Variants in NEO1 observed in about 807,000 individuals in gnomAD.
The protein encoded by NEO1 is neogenin.
In NEO1, 63 loss-of-function variants were observed where a neutral mutation model predicts 159.7. The ratio of observed to expected loss-of-function variants is 0.39; its 90% CI spans 0.32 to 0.49. The LOEUF is 0.49. Ranked by LOEUF, NEO1 falls within the 20% of genes least tolerant of loss-of-function variation. NEO1 has a pLI of 0.85. For missense variants in NEO1, 1,615 were observed against 1,831.0 expected (o/e 0.88, Z 2.15); for synonymous variants, 633 against 662.0 (o/e 0.96, Z 0.67).
intron 7 of NEO1, among the ~76,000 whole-genome samples, chr15:73,207,424 CT>C (rs2037301548): frequency 6.6e-6 from 1 of 152,168 alleles, no homozygotes; most frequent in South Asian, 2.1e-4. Context: ...CTGAAACTTC[CT>C]CCCTCAAGTT....
chr15:73,076,757 A>G (rs7495458), intron 1 of NEO1, among the ~76,000 whole-genome samples: 84,612 of 151,974 alleles, frequency 0.56, 23,977 homozygotes, highest in Middle Eastern at 0.62. Flanking sequence ...TCTTTCTCAC[A>G]TTTATTTTGC....
At chr15:73,072,964 T>A (rs1428607474) in intron 1 of NEO1, among the ~76,000 whole-genome samples, 1 of 152,170 alleles carries the variant, frequency 6.6e-6, no homozygotes, top group Non-Finnish European at 1.5e-5. Context: ...TGATGTCTTT[T>A]ACGGAGAAAG....
intron 25 of NEO1, among the ~76,000 whole-genome samples, chr15:73,292,585 T>A (rs1320820039): frequency 1.3e-5 from 2 of 152,248 alleles, no homozygotes; most frequent in Admixed American, 1.3e-4. Context: ...AATCTCTGTC[T>A]TCATAGAAAG....
intron 7 of NEO1, among the ~76,000 whole-genome samples, chr15:73,188,815 A>G (rs1321377191): frequency 6.6e-6 from 1 of 152,222 alleles, no homozygotes; most frequent in Non-Finnish European, 1.5e-5. Flanking sequence ...TACAAAATTT[A>G]GGCTGGGTGC....
At chr15:73,129,656 A>G (rs1019918394) in intron 4 of NEO1, among the ~76,000 whole-genome samples, 3 of 152,176 alleles carry the variant, frequency 2.0e-5, no homozygotes, top group Admixed American at 2.0e-4. Flanking sequence ...GCTAGTGTTC[A>G]AGGTGATTGA....
chr15:73,301,488 A>G lies in NEO1; in HGVS notation c.4302+31A>G, dbSNP rs200881451. 2.4e-4 allele frequency: 388 copies of G among 1,613,800 alleles called. 1 individual carries two copies. Among genetic ancestry groups the G allele is most frequent in the African/African-American group, 1.3e-3 (98 of 75,022 alleles). ...TTCGTGGGGCCATCAGTCCAGCCAG[A>G]TTGCCTGGGAACATGCCCCAGGGCC... On this transcript the variant is annotated intron_variant, in intron 28 of 28. Transcript: ENST00000261908.
At chr15:73,197,808 G>C (rs2036623216) in intron 7 of NEO1, among the ~76,000 whole-genome samples, 1 of 150,840 alleles carries the variant, frequency 6.6e-6, no homozygotes, top group Non-Finnish European at 1.5e-5. Flanking sequence ...AGCCTCCCAA[G>C]TAGCTAGGAT....
At chr15:73,218,954 C>T (rs2038067495) in intron 7 of NEO1, among the ~76,000 whole-genome samples, 1 of 151,864 alleles carries the variant, frequency 6.6e-6, no homozygotes. Context: ...TTATTTCTTG[C>T]CTTCTGCTAG....
At chr15:73,216,144 C>T (rs1209665280) in intron 7 of NEO1, among the ~76,000 whole-genome samples, 1 of 149,632 alleles carries the variant, frequency 6.7e-6, no homozygotes. Flanking sequence ...CATGTGTTCT[C>T]ATTGTTCAAT....
chr15:73,074,284 GC>G (rs1301162263), intron 1 of NEO1, among the ~76,000 whole-genome samples: 1 of 152,086 alleles, frequency 6.6e-6, no homozygotes, highest in East Asian at 1.9e-4. Context: ...GAAAATGGAG[GC>G]CTTAATAACC....
chr15:73,113,034 G>A (rs913030086), intron 1 of NEO1, among the ~76,000 whole-genome samples: 22 of 152,168 alleles, frequency 1.4e-4, no homozygotes, highest in African/African-American at 4.8e-4. Flanking sequence ...ATATAGCTCT[G>A]TTTGGGGGCT....
At chr15:73,197,034 G>C (rs1242807956) in intron 7 of NEO1, among the ~76,000 whole-genome samples, 1 of 152,032 alleles carries the variant, frequency 6.6e-6, no homozygotes, top group African/African-American at 2.4e-5. Context: ...CCTAATTTTT[G>C]TCTACCTTAT....
chr15:73,216,401 A>C (rs1406747848), intron 7 of NEO1, among the ~76,000 whole-genome samples: 4 of 152,126 alleles, frequency 2.6e-5, no homozygotes, highest in Non-Finnish European at 4.4e-5. Flanking sequence ...ATACATGTGC[A>C]TGTGTCTTTA....
At chr15:73,179,184 T>C (rs1366710149) in intron 7 of NEO1, among the ~76,000 whole-genome samples, 2 of 152,130 alleles carry the variant, frequency 1.3e-5, no homozygotes, top group Non-Finnish European at 2.9e-5. Flanking sequence ...AACATTGATA[T>C]TGGGATTGGA....
chr15:73,182,815 T>C (rs1262903534), intron 7 of NEO1, among the ~76,000 whole-genome samples: 1 of 152,170 alleles, frequency 6.6e-6, no homozygotes, highest in Non-Finnish European at 1.5e-5. Flanking sequence ...AGGTGAGGTT[T>C]GGGTGGGGAC....
rs76357376 is a variant in NEO1 at position 73,085,781 on chromosome 15, A to G, written c.131-30759A>G. ...CCTTTTTGGTGAAGTGTGTATGCAA[A>G]TCTTTTGCCCATTAAGAAAATTGGG... is the stretch of plus-strand genomic sequence containing the variant. On this transcript the variant is annotated intron_variant, in intron 1 of 28. Coordinates refer to ENST00000261908, the MANE Select transcript of NEO1 (RefSeq NM_002499.4). Among the ~76,000 whole-genome samples the G allele has an allele frequency of 8.6e-3, 1,310 of 152,194 alleles. 22 individuals carry two copies. Among genetic ancestry groups the G allele is most frequent in the African/African-American group, 0.03 (1,235 of 41,520 alleles).
chr15:73,109,436 T>G (rs7495084), intron 1 of NEO1, among the ~76,000 whole-genome samples: 107,788 of 152,118 alleles, frequency 0.71, 39,185 homozygotes, highest in African/African-American at 0.88. Context: ...ATGTCTGCCT[T>G]ACTTTACTGT....
chr15:73,164,019 A>ATTTTTTTTTTTTTTTTTT (rs57049110), intron 5 of NEO1, among the ~76,000 whole-genome samples: 1 of 123,686 alleles, frequency 8.1e-6, no homozygotes, highest in African/African-American at 2.7e-5. Context: ...TCTTTTTCTT[A>ATTTTTTTTTTTTTTTTTT]TTTTTTTTTT....
chr15:73,178,238 A>G, intron 6 of NEO1, 69 bp from the exon 7 acceptor site: 1 of 1,439,202 alleles, frequency 6.9e-7, no homozygotes, highest in African/African-American at 1.4e-5. Context: ...CAAAAAGCAT[A>G]TTTTTGAGAT....
Sources: allele counts gnomAD v4.1 joint callset (sites outside exome capture counted in the v4.1 genomes callset), GRCh38; gene constraint gnomAD v4.1.1; transcripts MANE v1.5; gene names NCBI Gene and HGNC (gene_info 2026-07-23, HGNC 2026-07-21).